Variants in STT3B observed in about 807,000 individuals in gnomAD.
STT3B encodes dolichyl-diphosphooligosaccharide--protein glycosyltransferase subunit STT3B.
Under a neutral mutation model 96.8 loss-of-function variants are expected in STT3B, and 29 were observed. The ratio of observed to expected loss-of-function variants is 0.30; its 90% CI spans 0.22 to 0.41. The LOEUF (loss-of-function observed/expected upper bound fraction) is 0.41. Ranked by LOEUF, STT3B falls within the 10% of genes least tolerant of loss-of-function variation. The pLI, the probability that STT3B is intolerant of heterozygous loss-of-function variation, is 1.00. For synonymous variants in STT3B, 367 were observed against 360.0 expected (o/e 1.02, Z -0.22); for missense variants, 640 against 1,022.3 (o/e 0.63, Z 5.10).
At chr3:31,559,853 A>G (rs906710075) in intron 1 of STT3B, among the ~76,000 whole-genome samples, 2 of 152,090 alleles carry the variant, frequency 1.3e-5, no homozygotes, top group Non-Finnish European at 2.9e-5. Context: ...TATTTGCTTT[A>G]TATATCTGGG....
At chr3:31,554,073 A>G (rs1204655061) in intron 1 of STT3B, among the ~76,000 whole-genome samples, 1 of 152,206 alleles carries the variant, frequency 6.6e-6, no homozygotes, top group East Asian at 1.9e-4. Flanking sequence ...TTCACAAAAG[A>G]CATCTGTTTA....
chr3:31,596,729 T>G, intron 3 of STT3B, 69 bp from the exon 4 acceptor site: 1 of 1,266,816 alleles, frequency 7.9e-7, no homozygotes, highest in East Asian at 2.3e-5. Context: ...TACCAAACAT[T>G]TAACTTTTAA....
At chr3:31,539,243 T>G (rs1245881919) in intron 1 of STT3B, among the ~76,000 whole-genome samples, 1 of 152,172 alleles carries the variant, frequency 6.6e-6, no homozygotes, top group Non-Finnish European at 1.5e-5. Context: ...ATTGTGACTG[T>G]TGGCACTAAT....
Position 31,632,925 on chromosome 3 carries a change from A to G in STT3B, c.2188-10A>G, listed in dbSNP as rs770679011. On this transcript the variant is annotated splice_polypyrimidine_tract_variant and intron_variant, in intron 14 of 15. Transcript: ENST00000295770. ...ATGGTTAACACCCAATAATAATGTC[A>G]CTTTTGCAGCTGGATTTTCGTACAC... The G allele has an allele frequency of 1.2e-5, 20 of 1,612,698 alleles. No homozygotes were observed. The highest frequency in any genetic ancestry group is 1.6e-5 in the Non-Finnish European group (19 of 1,179,144).
intron 1 of STT3B, among the ~76,000 whole-genome samples, chr3:31,570,671 A>AT (rs1698114326): frequency 6.6e-6 from 1 of 152,176 alleles, no homozygotes; most frequent in South Asian, 2.1e-4. Context: ...TTAAAAAGTG[A>AT]TAAAAACAGA....
At chr3:31,610,988 G>A (rs952351952) in intron 5 of STT3B, among the ~76,000 whole-genome samples, 3 of 152,076 alleles carry the variant, frequency 2.0e-5, no homozygotes, top group African/African-American at 4.8e-5. Context: ...CCACTTTGAT[G>A]GAATGCTTTA....
intron 3 of STT3B, among the ~76,000 whole-genome samples, chr3:31,589,477 T>C (rs1349986955): frequency 2.0e-5 from 3 of 151,956 alleles, no homozygotes; most frequent in African/African-American, 4.8e-5. Flanking sequence ...TCCATTACAA[T>C]GCAAATAGGA....
At chr3:31,533,522 G>A in intron 1 of STT3B, 1 of 516,332 alleles carries the variant, frequency 1.9e-6, no homozygotes, top group East Asian at 4.5e-5. Context: ...GGGGCGTCGG[G>A]GTCCAGGAGC....
chr3:31,572,065 TATTAA>T (rs1698168174), intron 1 of STT3B, among the ~76,000 whole-genome samples: 3 of 141,690 alleles, frequency 2.1e-5, no homozygotes, highest in African/African-American at 7.8e-5. Flanking sequence ...TATATTAATA[TATTAA>T]ATATATTAAT....
intron 3 of STT3B, among the ~76,000 whole-genome samples, chr3:31,595,583 A>C (rs1219272177): frequency 6.6e-6 from 1 of 152,092 alleles, no homozygotes; most frequent in Admixed American, 6.5e-5. Flanking sequence ...AGTACCTTTC[A>C]TCAATCCTAA....
Position 31,600,392 on chromosome 3 carries a change from C to A in STT3B, c.810C>A (p.Ile270=). The change falls in exon 5 of 16, where the codon ATC becomes ATA. Residue 270 remains isoleucine (I), a synonymous_variant. Transcript: ENST00000295770. ...CTTGGGGTGGTTATGTATTTATCAT[C>A]AATCTTATTCCACTGCATGTATTTG... ...VSAWGGYVFI[I]NLIPLHVFVL... 6.3e-7 allele frequency: 1 copy of A among 1,590,002 alleles called. No homozygotes were observed. Among genetic ancestry groups the A allele is most frequent in the Non-Finnish European group, 8.6e-7 (1 of 1,162,486 alleles).
intron 1 of STT3B, among the ~76,000 whole-genome samples, chr3:31,561,998 G>T (rs907694456): frequency 2.0e-5 from 3 of 152,152 alleles, no homozygotes; most frequent in African/African-American, 4.8e-5. Context: ...GATACCAGGT[G>T]TAACAGTCTT....
intron 2 of STT3B, among the ~76,000 whole-genome samples, chr3:31,577,672 G>A (rs762558563): frequency 1.6e-4 from 24 of 152,088 alleles, no homozygotes; most frequent in Non-Finnish European, 2.6e-4. Flanking sequence ...TGTGTTTCTA[G>A]TCTGGGGCAT....
chr3:31,629,791 C>G (rs900914162), intron 14 of STT3B, among the ~76,000 whole-genome samples: 1 of 152,120 alleles, frequency 6.6e-6, no homozygotes. Flanking sequence ...ATTAAAGATT[C>G]GAAGTAAATA....
intron 2 of STT3B, among the ~76,000 whole-genome samples, chr3:31,577,323 T>C (rs919398344): frequency 6.6e-6 from 1 of 152,096 alleles, no homozygotes; most frequent in African/African-American, 2.4e-5. Flanking sequence ...ATTTTAAGCC[T>C]AGAAACTACA....
At chr3:31,631,316 A>T (rs1196373602) in intron 14 of STT3B, among the ~76,000 whole-genome samples, 1 of 152,152 alleles carries the variant, frequency 6.6e-6, no homozygotes, top group African/African-American at 2.4e-5. Flanking sequence ...TGTGTTTATA[A>T]TTTCTTTTGA....
intron 1 of STT3B, among the ~76,000 whole-genome samples, chr3:31,545,261 T>C (rs1373118291): frequency 6.6e-6 from 1 of 152,188 alleles, no homozygotes; most frequent in East Asian, 1.9e-4. Flanking sequence ...AAGGAAGATC[T>C]TTTCACCTGT....
At chr3:31,578,681 C>T (rs1457630571) in intron 2 of STT3B, among the ~76,000 whole-genome samples, 1 of 151,276 alleles carries the variant, frequency 6.6e-6, no homozygotes, top group Non-Finnish European at 1.5e-5. Flanking sequence ...TTTTTTCCTC[C>T]CCCTCCCCCT....
At chr3:31,537,387 A>G (rs1697128080) in intron 1 of STT3B, among the ~76,000 whole-genome samples, 1 of 152,236 alleles carries the variant, frequency 6.6e-6, no homozygotes, top group Non-Finnish European at 1.5e-5. Context: ...CAAATCTTAA[A>G]AAGTCACTTT....
Sources: allele counts gnomAD v4.1 joint callset (sites outside exome capture counted in the v4.1 genomes callset), GRCh38; gene constraint gnomAD v4.1.1; transcripts MANE v1.5; gene names NCBI Gene and HGNC (gene_info 2026-07-23, HGNC 2026-07-21).